The following RAB28 variants were observed in gnomAD, a reference collection of about 807,000 sequenced individuals.
RAB28 encodes the protein RAB28, member RAS oncogene family.
In RAB28, 24 loss-of-function variants were observed where a neutral mutation model predicts 31.7. The ratio of observed to expected loss-of-function variants is 0.76; its 90% CI spans 0.55 to 1.06. The LOEUF (loss-of-function observed/expected upper bound fraction) is 1.06. Ranked by LOEUF, RAB28 falls within the 50% of genes least tolerant of loss-of-function variation. The pLI, the probability that RAB28 is intolerant of heterozygous loss-of-function variation, is 0.00. For synonymous variants in RAB28, 100 were observed against 90.4 expected (o/e 1.11, Z -0.60); for missense variants, 254 against 258.5 (o/e 0.98, Z 0.12).
rs570319002 is a variant in RAB28, at chr4:13,413,536, G to A, written c.392-31942C>T. 1.2e-3 allele frequency among the ~76,000 whole-genome samples: 177 copies of A among 152,038 alleles called. 1 individual carries two copies. Among genetic ancestry groups the A allele is most frequent in the Non-Finnish European group, 2.0e-3 (135 of 67,986 alleles). On this transcript the variant is annotated intron_variant, in intron 4 of 6. Coordinates refer to ENST00000330852, the MANE Select transcript of RAB28 (RefSeq NM_001017979.3). ...CTTGTCACACTATTTAATAGTACCC[G>A]CAGAGAAAAAAGCATAAAGTTTTAA... is the stretch of plus-strand genomic sequence containing the variant.
At chr4:13,406,161 C>T (rs1402963262) in intron 4 of RAB28, among the ~76,000 whole-genome samples, 2 of 152,126 alleles carry the variant, frequency 1.3e-5, no homozygotes, top group African/African-American at 4.8e-5. Flanking sequence ...AGCCCCCCAC[C>T]CCGCTACAGG....
intron 3 of RAB28, among the ~76,000 whole-genome samples, chr4:13,467,540 T>C (rs972304586): frequency 6.6e-6 from 1 of 151,894 alleles, no homozygotes; most frequent in Non-Finnish European, 1.5e-5. Context: ...GAACTGAGAA[T>C]ATTCTGAGGG....
At chr4:13,409,168 C>T (rs866190751) in intron 4 of RAB28, among the ~76,000 whole-genome samples, 3 of 152,020 alleles carry the variant, frequency 2.0e-5, no homozygotes, top group Admixed American at 1.3e-4. Flanking sequence ...CTGCCTATTT[C>T]GAACAAATCC....
chr4:13,415,828 G>A (rs527697727), intron 4 of RAB28, among the ~76,000 whole-genome samples: 4 of 152,362 alleles, frequency 2.6e-5, no homozygotes, highest in African/African-American at 9.6e-5. Flanking sequence ...GATCCACTGG[G>A]TGAAGCCAGC....
intron 4 of RAB28, among the ~76,000 whole-genome samples, chr4:13,458,656 T>C (rs1715432147): frequency 6.6e-6 from 1 of 152,226 alleles, no homozygotes; most frequent in Non-Finnish European, 1.5e-5. Flanking sequence ...ACGGGCTACA[T>C]ATATGATGGT....
chr4:13,483,926 G>C (rs1159426288), intron 1 of RAB28, 150 bp downstream of exon 1: 2 of 684,432 alleles, frequency 2.9e-6, no homozygotes, highest in African/African-American at 1.8e-5. Context: ...CGCCCACTTC[G>C]TGTCCGGCCT....
intron 4 of RAB28, among the ~76,000 whole-genome samples, chr4:13,383,687 CG>C (rs2108884181): frequency 6.6e-6 from 1 of 152,222 alleles, no homozygotes; most frequent in Non-Finnish European, 1.5e-5. Context: ...ATCATGGAGA[CG>C]GCTTTTCCTG....
At chr4:13,469,290 C>T (rs1448156416) in intron 3 of RAB28, among the ~76,000 whole-genome samples, 1 of 151,978 alleles carries the variant, frequency 6.6e-6, no homozygotes, top group East Asian at 1.9e-4. Flanking sequence ...GTCTCATGTC[C>T]CAGATAACTT....
intron 5 of RAB28, among the ~76,000 whole-genome samples, chr4:13,378,691 C>G (rs1017825501): frequency 6.6e-6 from 1 of 151,998 alleles, no homozygotes; most frequent in African/African-American, 2.4e-5. Flanking sequence ...GACTAGTACA[C>G]AATGGAGAAG....
chr4:13,394,473 C>T (rs1729785082), intron 4 of RAB28, among the ~76,000 whole-genome samples: 1 of 152,168 alleles, frequency 6.6e-6, no homozygotes, highest in South Asian at 2.1e-4. Flanking sequence ...CTGTCCACTG[C>T]TCACCTCCTG....
At chr4:13,379,806 A>G (rs2108881054) in intron 5 of RAB28, among the ~76,000 whole-genome samples, 1 of 152,242 alleles carries the variant, frequency 6.6e-6, no homozygotes, top group East Asian at 1.9e-4. Flanking sequence ...AATATCAGAG[A>G]AAGTATAGTA....
intron 4 of RAB28, among the ~76,000 whole-genome samples, chr4:13,436,775 C>T (rs377090815): frequency 3.3e-5 from 5 of 151,870 alleles, no homozygotes; most frequent in East Asian, 1.9e-4. Flanking sequence ...AATGACCACA[C>T]GACCATACTA....
intron 4 of RAB28, among the ~76,000 whole-genome samples, chr4:13,416,490 G>C (rs974811234): frequency 3.9e-5 from 6 of 152,186 alleles, no homozygotes; most frequent in African/African-American, 9.7e-5. Flanking sequence ...GACACAGTAT[G>C]TTTAACAACA....
At chr4:13,384,840 C>T (rs1178623359) in intron 4 of RAB28, among the ~76,000 whole-genome samples, 1 of 152,174 alleles carries the variant, frequency 6.6e-6, no homozygotes, top group Non-Finnish European at 1.5e-5. Context: ...ACTACTTCTC[C>T]TGCAAGGGTT....
rs2108913226 is a variant in RAB28, at chr4:13,414,901, CCAA to C, written c.392-33310_392-33308del. The stretch of plus-strand genomic sequence containing the variant: ...GAAGATGAATAGGACAGGATGAAAA[CCAA>C]CTTCCTTAATTTGATAAAGAATACC... On this transcript the variant is annotated intron_variant, in intron 4 of 6. Transcript: ENST00000330852. Among the ~76,000 whole-genome samples, 2 of 152,168 alleles carry C rather than the reference CCAA, an allele frequency of 1.3e-5. 1 individual carries two copies. The highest frequency in any genetic ancestry group is 3.9e-4 in the East Asian group (2 of 5,182).
chr4:13,482,295 T>G (rs1383042583), intron 1 of RAB28, among the ~76,000 whole-genome samples: 2 of 152,076 alleles, frequency 1.3e-5, no homozygotes, highest in African/African-American at 4.8e-5. Context: ...AATAAAAAAC[T>G]CAGACGCAAA....
Position 13,381,586 on chromosome 4 carries a change from C to A in RAB28, c.400G>T (p.Glu134Ter). Residue 134 changes from glutamate to a stop codon, truncating the protein, a stop_gained, in exon 5 of 7, where the codon GAG becomes TAG. Transcript: ENST00000330852. LOFTEE classifies it high-confidence loss of function. ...TCAGGTTTTATTGTTCGCATATGCT[C>A]CAAATCAACTAGAAAGGTGTTAAAG... is the stretch of plus-strand genomic sequence containing the variant. Reference protein sequence around the residue: ...VALVGNKIDLEHMRTIKPEKH... With the variant: ...VALVGNKIDL The A allele has an allele frequency of 1.9e-6, 3 of 1,610,964 alleles. No homozygotes were observed. The highest frequency in any genetic ancestry group is 2.5e-6 in the Non-Finnish European group (3 of 1,178,380).
At chr4:13,445,246 T>C (rs1389258731) in intron 4 of RAB28, among the ~76,000 whole-genome samples, 1 of 151,962 alleles carries the variant, frequency 6.6e-6, no homozygotes, top group East Asian at 1.9e-4. Flanking sequence ...AATGTTCCTA[T>C]CTAAACTGGT....
chr4:13,421,586 A>G (rs1036822529), intron 4 of RAB28, among the ~76,000 whole-genome samples: 1 of 152,250 alleles, frequency 6.6e-6, no homozygotes, highest in African/African-American at 2.4e-5. Context: ...CAGAGGCCTC[A>G]GAAACAACAC....
Sources: gnomAD v4.1 joint callset for allele counts (sites outside exome capture counted in the v4.1 genomes callset) on GRCh38, gnomAD v4.1.1 for gene constraint, MANE v1.5 for transcripts, NCBI Gene and HGNC (gene_info 2026-07-23, HGNC 2026-07-21) for gene names.